Variants in FKBP15 observed in about 807,000 individuals in gnomAD.
FKBP15 encodes the protein FK506-binding protein 15.
A neutral mutation model predicts 158.1 loss-of-function variants in FKBP15; 106 were observed. The ratio of observed to expected loss-of-function variants is 0.67; its 90% confidence interval spans 0.57 to 0.79. The LOEUF is 0.79. Among genes scored for constraint, FKBP15 ranks in the 30% least tolerant of loss-of-function variants. The pLI is 0.00. For missense variants in FKBP15, 1,287 were observed against 1,479.1 expected (o/e 0.87, Z 2.13); for synonymous variants, 547 against 548.6 (o/e 1.00, Z 0.04).
chr9:113,209,557 T>C lies in FKBP15; in HGVS notation c.169+1920A>G, dbSNP rs1345798328. On this transcript the variant is annotated intron_variant, in intron 2 of 27. Coordinates refer to ENST00000238256, the MANE Select transcript of FKBP15 (RefSeq NM_015258.2). ...CGGCAAACATTTTCTGTAAAGGGCC[T>C]ATAGGCTGTGGTATAATATGAAATA... is the stretch of plus-strand genomic sequence containing the variant. Among the ~76,000 whole-genome samples the C allele has an allele frequency of 3.3e-5, 5 of 152,224 alleles. 1 individual carries two copies. The South Asian group carries it at 6.2e-4, about 19-fold the overall frequency.
Position 113,173,508 on chromosome 9 carries a change from T to A in FKBP15, c.2477A>T (p.Glu826Val). The A allele has an allele frequency of 1.9e-6, 3 of 1,614,014 alleles. No homozygotes were observed. Among genetic ancestry groups the A allele is most frequent in the Non-Finnish European group, 2.5e-6 (3 of 1,179,878 alleles). Residue 826 changes from glutamate (E) to valine (V), a missense_variant, in exon 23 of 28, where the codon GAG becomes GTG. By Grantham distance (121) the Glu-to-Val change is moderately radical (BLOSUM62 -2). Transcript: ENST00000238256. ...AKDEHLQQYQ[E>V]VCAQRDAYQQ... The stretch of plus-strand genomic sequence containing the variant: ...GTAGGCATCTCTCTGTGCGCACACC[T>A]CCTGGTACTGCTGCAGGTGCTCATC...
At position 113,179,340 on chromosome 9, in the gene FKBP15, T is replaced by C. The variant is rs1830350641; in HGVS notation, c.1915-539A>G. 2.0e-5 allele frequency among the ~76,000 whole-genome samples: 3 copies of C among 152,308 alleles called. No homozygotes were observed. In the East Asian group the frequency reaches 5.8e-4, roughly 29 times the overall value. ...TCTTTATCGGTTTTATAGATTGCAT[T>C]TAAAATCTGATATTTTGACTCTCCT... On this transcript the variant is annotated intron_variant, in intron 19 of 27. Transcript: ENST00000238256.
rs530698488 is a variant in FKBP15, at chr9:113,164,326, T to C, written c.*1752A>G. On this transcript the variant is annotated 3_prime_UTR_variant, in exon 28 of 28. Coordinates refer to ENST00000238256, the MANE Select transcript of FKBP15 (RefSeq NM_015258.2). Reference sequence around the variant, plus strand: ...CCAGCCCTGAAATGCTGCACCCAGGTAGACACCCCAGAATGCCAACTGAGG... The same window carrying C: ...CCAGCCCTGAAATGCTGCACCCAGGCAGACACCCCAGAATGCCAACTGAGG... The C allele has an allele frequency of 2.0e-5, 3 of 152,324 alleles. No individual in the cohort carries two copies. Among genetic ancestry groups the C allele is most frequent in the South Asian group, 2.1e-4 (1 of 4,824 alleles). The allele number at this position is 152,324 out of a possible 1,614,324, so 9.4% of individuals were successfully genotyped here. A position where few individuals can be genotyped will look rare whatever the true frequency, so the allele number is the denominator to read the frequency against.
At chr9:113,213,125 T>A (rs1476940393) in intron 1 of FKBP15, among the ~76,000 whole-genome samples, 1 of 152,044 alleles carries the variant, frequency 6.6e-6, no homozygotes, top group African/African-American at 2.4e-5. Context: ...AGTGCACAGG[T>A]CGGCTGGGCA....
intron 6 of FKBP15, 69 bp downstream of exon 6, chr9:113,202,462 T>C: frequency 8.3e-7 from 1 of 1,208,294 alleles, no homozygotes; most frequent in South Asian, 1.4e-5. Flanking sequence ...TTTCTATATG[T>C]TTCCCTAAAA....
At chr9:113,170,774 G>A (rs1454195658) in intron 24 of FKBP15, 145 bp from the exon 25 acceptor site, 1 of 685,344 alleles carries the variant, frequency 1.5e-6, no homozygotes, top group African/African-American at 1.8e-5. Flanking sequence ...GACACTGAAG[G>A]CTGTCACTGT....
At position 113,186,302 on chromosome 9, in the gene FKBP15, T is replaced by C. The variant is rs374357809; in HGVS notation, c.1445A>G (p.Gln482Arg). Residue 482 changes from glutamine to arginine, a missense_variant, in exon 15 of 28, where the codon CAG becomes CGG. By Grantham distance (43) the Gln-to-Arg change is conservative (BLOSUM62 1). Coordinates refer to ENST00000238256, the MANE Select transcript of FKBP15 (RefSeq NM_015258.2). ...PQASAVTSQL[Q>R]PVRPLYPAPL... ...TGCTGGGTACAAAGGCCGAACGGGC[T>C]GCAGCTGGGAGGTGACGGCAGATGC... 6.4e-7 allele frequency: 1 copy of C among 1,571,912 alleles called. No homozygotes were observed.
intron 6 of FKBP15, 80 bp from the exon 7 acceptor site, chr9:113,200,043 C>G: frequency 4.3e-6 from 6 of 1,396,494 alleles, no homozygotes; most frequent in Non-Finnish European, 5.8e-6. Context: ...TGCTCTTTCT[C>G]AAATAGCTTC....
At position 113,198,793 on chromosome 9, in the gene FKBP15, T is replaced by C; in HGVS notation, c.717+62A>G. 9.2e-7 allele frequency: 1 copy of C among 1,086,438 alleles called. No individual in the cohort carries two copies. The highest frequency in any genetic ancestry group is 1.6e-5 in the South Asian group (1 of 63,708). 67.3% of individuals were successfully genotyped at this position (1,086,438 alleles called of 1,614,324 possible). A position where few individuals can be genotyped will look rare whatever the true frequency, so the allele number is the denominator to read the frequency against. On this transcript the variant is annotated intron_variant, in intron 8 of 27. Transcript: ENST00000238256. This position sits in a 1 kb window ranked among gnomAD's most constrained non-coding sequence, Gnocchi z 5.2. ...AATAAAAAAAGGAATTCCACAAAATTTAATCTAAGTTAAACCCACTGCAAC... is the reference window on the plus strand; with the variant it reads ...AATAAAAAAAGGAATTCCACAAAATCTAATCTAAGTTAAACCCACTGCAAC...
chr9:113,184,871 T>C lies in FKBP15; in HGVS notation c.1499-67A>G. Reference sequence around the variant, plus strand: ...CAGAGGAAACTGTATGAAGAAAAGCTAGTAGCTCTTCCAGTAAAGAAAGAA... The same window carrying C: ...CAGAGGAAACTGTATGAAGAAAAGCCAGTAGCTCTTCCAGTAAAGAAAGAA... On this transcript the variant is annotated intron_variant, in intron 15 of 27. Coordinates refer to ENST00000238256, the MANE Select transcript of FKBP15 (RefSeq NM_015258.2). This position sits in a 1 kb window ranked among gnomAD's most constrained non-coding sequence, Gnocchi z 4.5. The C allele has an allele frequency of 8.3e-7, 1 of 1,205,952 alleles. No individual in the cohort carries two copies. Among genetic ancestry groups the C allele is most frequent in the Non-Finnish European group, 1.2e-6 (1 of 846,006 alleles). The allele number at this position is 1,205,952 out of a possible 1,614,324, so 74.7% of individuals were successfully genotyped here. A position where few individuals can be genotyped will look rare whatever the true frequency, so the allele number is the denominator to read the frequency against.
At chr9:113,213,724 C>T (rs1466612387) in intron 1 of FKBP15, among the ~76,000 whole-genome samples, 2 of 152,044 alleles carry the variant, frequency 1.3e-5, no homozygotes, top group Admixed American at 6.6e-5. Context: ...CAGAGAGTTC[C>T]TACCAAGAAG....
chr9:113,194,477 G>A (rs566589400), intron 9 of FKBP15, among the ~76,000 whole-genome samples: 26 of 149,654 alleles, frequency 1.7e-4, no homozygotes, highest in Admixed American at 1.7e-3. Context: ...CATTGCAGGT[G>A]GAATAGGTTA....
At chr9:113,168,393 C>G in intron 27 of FKBP15, 67 bp downstream of exon 27, 4 of 1,368,276 alleles carry the variant, frequency 2.9e-6, no homozygotes, top group Non-Finnish European at 4.2e-6. Flanking sequence ...TTTCTCTTCT[C>G]AGAGCCAGTA....
chr9:113,166,716 G>T (rs562492267), intron 27 of FKBP15, among the ~76,000 whole-genome samples: 1 of 152,318 alleles, frequency 6.6e-6, no homozygotes, highest in Non-Finnish European at 1.5e-5. Flanking sequence ...CGGGGCCACA[G>T]CCTCCCACAC....
At chr9:113,175,999 TACTC>T (rs1830293552) in intron 21 of FKBP15, among the ~76,000 whole-genome samples, 1 of 152,224 alleles carries the variant, frequency 6.6e-6, no homozygotes, top group Admixed American at 6.5e-5. Context: ...CCATGATTCT[TACTC>T]ATGCAATCCA....
Position 113,165,290 on chromosome 9 carries a change from C to G in FKBP15, c.*788G>C, listed in dbSNP as rs1280708235. 6.6e-6 allele frequency: 1 copy of G among 152,244 alleles called. No homozygotes were observed. The highest frequency in any genetic ancestry group is 1.5e-5 in the Non-Finnish European group (1 of 68,076). 9.4% of individuals were successfully genotyped at this position (152,244 alleles called of 1,614,324 possible). On this transcript the variant is annotated 3_prime_UTR_variant, in exon 28 of 28. Coordinates refer to ENST00000238256, the MANE Select transcript of FKBP15 (RefSeq NM_015258.2). ...TAAGCCTGCAGGAGCAAGAGGATGA[C>G]TGGACTGGTCCTCACAGAACCATCA...
Position 113,193,491 on chromosome 9 carries a change from CT to C in FKBP15, c.1065del (p.Ser356ValfsTer9). ...TGCCTGGCCAAGACTCTTATACTTA[CT>C]GTATTTATTGCAAGTTGTTCACTGA... ...NSLSEQLAIN[T>X]SPDAVKAKLI... is the part of the protein sequence containing the mutation. On this transcript the variant is annotated frameshift_variant and splice_region_variant, in exon 11 of 28. Coordinates refer to ENST00000238256, the MANE Select transcript of FKBP15 (RefSeq NM_015258.2). LOFTEE classifies it high-confidence loss of function. The C allele has an allele frequency of 6.3e-7, 1 of 1,590,858 alleles. No homozygotes were observed. The highest frequency in any genetic ancestry group is 8.6e-7 in the Non-Finnish European group (1 of 1,167,562).
At chr9:113,219,200 C>G (rs961992934) in intron 1 of FKBP15, among the ~76,000 whole-genome samples, 10 of 152,134 alleles carry the variant, frequency 6.6e-5, no homozygotes, top group Non-Finnish European at 1.3e-4. Context: ...ATAGTAAACT[C>G]TAAGAGGCCT....
intron 1 of FKBP15, 48 bp downstream of exon 1, chr9:113,221,143 C>T (rs1831246665): frequency 1.9e-6 from 3 of 1,560,448 alleles, no homozygotes; most frequent in African/African-American, 2.7e-5. Context: ...AACAATCCGC[C>T]GGTATCTCTC....
Sources: gnomAD v4.1 joint callset for allele counts (sites outside exome capture counted in the v4.1 genomes callset) on GRCh38, gnomAD v4.1.1 for gene constraint, Gnocchi (gnomAD v3.1) non-coding constraint, MANE v1.5 for transcripts, NCBI Gene and HGNC (gene_info 2026-07-23, HGNC 2026-07-21) for gene names.